Variants in NAGLU observed in about 807,000 individuals in gnomAD.
NAGLU encodes the protein N-acetyl-alpha-glucosaminidase.
In NAGLU, 34 loss-of-function variants were observed where a neutral mutation model predicts 43.4. That is an observed-to-expected ratio of 0.78 (90% CI 0.60 to 1.04). The LOEUF (loss-of-function observed/expected upper bound fraction) is 1.04, where lower values mean the gene tolerates loss of function less well. NAGLU is among the 50% of genes least tolerant of loss of function. The probability of loss-of-function intolerance (pLI) is 0.00; values close to 1 mark genes in which losing one functional copy is unlikely to be tolerated. For synonymous variants in NAGLU, 425 were observed against 437.6 expected, an observed-to-expected ratio of 0.97 and a Z score of 0.36; for missense variants, 910 against 993.7, an observed-to-expected ratio of 0.92 and a Z score of 1.13.
Position 42,536,670 on chromosome 17 carries a change from C to T in NAGLU, c.383+15C>T. On this transcript the variant is annotated intron_variant, in intron 1 of 5. Transcript: ENST00000225927. ...ACGCCCAACAGGTACCGCCCCGAAGCTTCCCCGCGTCCGCCCGAGGCGCTT... is the reference window on the plus strand; with the variant it reads ...ACGCCCAACAGGTACCGCCCCGAAGTTTCCCCGCGTCCGCCCGAGGCGCTT... The T allele has an allele frequency of 6.7e-7, 1 of 1,486,244 alleles. No homozygotes were observed. Among genetic ancestry groups the T allele is most frequent in the Admixed American group, 2.2e-5 (1 of 45,342 alleles). The allele number at this position is 1,486,244 out of a possible 1,614,324, so 92.1% of individuals were successfully genotyped here. A position where few individuals can be genotyped will look rare whatever the true frequency, so the allele number is the denominator to read the frequency against.
rs2092905675 is a variant in NAGLU at position 42,536,287 on chromosome 17, G to T, written c.15G>T (p.Ala5=). ...GGACTGAGACCATGGAGGCGGTGGCGGTGGCCGCGGCGGTGGGGGTCCTTC... is the reference window on the plus strand; with the variant it reads ...GGACTGAGACCATGGAGGCGGTGGCTGTGGCCGCGGCGGTGGGGGTCCTTC... MEAV[A]VAAAVGVLLL... is the part of the protein sequence containing the mutation. Residue 5 remains alanine, a synonymous_variant, in exon 1 of 6, where the codon GCG becomes GCT. Transcript: ENST00000225927. 1 of 1,218,130 alleles carries T rather than the reference G, an allele frequency of 8.2e-7. No individual in the cohort carries two copies. Among genetic ancestry groups the T allele is most frequent in the South Asian group, 4.1e-5 (1 of 24,238 alleles). 75.5% of individuals were successfully genotyped at this position (1,218,130 alleles called of 1,614,324 possible). A position where few individuals can be genotyped will look rare whatever the true frequency, so the allele number is the denominator to read the frequency against.
rs771833491 is a variant in NAGLU at position 42,543,038 on chromosome 17, G to A, written c.1032G>A (p.Glu344=). 1.6e-5 allele frequency: 25 copies of A among 1,603,208 alleles called. 1 individual carries two copies. Among genetic ancestry groups the A allele is most frequent in the Non-Finnish European group, 2.0e-5 (24 of 1,179,986 alleles). ...ACCTCCTGTCCACAGTGGATACTGA[G>A]GCTGTGTGGCTGCTCCAAGGCTGGC... is the stretch of plus-strand genomic sequence containing the variant. ...VYEAMTAVDT[E]AVWLLQGWLF... Residue 344 remains glutamate, a synonymous_variant, in exon 6 of 6, where the codon GAG becomes GAA. Transcript: ENST00000225927.
rs759014662 is a variant in NAGLU, at chr17:42,544,214, C to T, written c.2208C>T (p.Pro736=). The change falls in exon 6 of 6, where the codon CCC becomes CCT. Residue 736 remains proline, a synonymous_variant. Transcript: ENST00000225927. Reference sequence around the variant, plus strand: ...AGAAGATCTTCCTCAAATATTACCCCCGCTGGGTGGCCGGCTCTTGGTGAT... The same window carrying T: ...AGAAGATCTTCCTCAAATATTACCCTCGCTGGGTGGCCGGCTCTTGGTGAT... ...LAKKIFLKYY[P]RWVAGSW is the part of the protein sequence containing the mutation. The T allele has an allele frequency of 7.4e-6, 12 of 1,611,796 alleles. No individual in the cohort carries two copies. The highest frequency in any genetic ancestry group is 4.5e-5 in the East Asian group (2 of 44,886).
chr17:42,537,475 T>G lies in NAGLU; in HGVS notation c.461T>G (p.Ile154Arg), dbSNP rs770684838. 1.9e-6 allele frequency: 3 copies of G among 1,614,216 alleles called. No homozygotes were observed. The highest frequency in any genetic ancestry group is 1.7e-6 in the Non-Finnish European group (2 of 1,180,034). ...WWDWARWERE[I>R]DWMALNGINL... ...GACTGGGCCCGCTGGGAGCGAGAGA[T>G]AGACTGGATGGCGCTGAATGGCATC... The change falls in exon 2 of 6, where the codon ATA becomes AGA. Residue 154 changes from isoleucine to arginine, a missense_variant. Physicochemically the swap from Ile to Arg is moderately conservative, Grantham distance 97 (BLOSUM62 -3). Coordinates refer to ENST00000225927, the MANE Select transcript of NAGLU (RefSeq NM_000263.4).
At position 42,538,717 on chromosome 17, in the gene NAGLU, G is replaced by A. The variant is rs1459295509; in HGVS notation, c.726G>A (p.Leu242=). The change falls in exon 4 of 6, where the codon CTG becomes CTA. Residue 242 remains leucine (L), a synonymous_variant. Coordinates refer to ENST00000225927, the MANE Select transcript of NAGLU (RefSeq NM_000263.4). ...QMRSFGMTPV[L]PAFAGHVPEA... is the part of the protein sequence containing the mutation. ...GCTCCTTCGGCATGACCCCAGTGCT[G>A]CCTGCATTCGCGGGGCATGTTCCCG... 6.2e-7 allele frequency: 1 copy of A among 1,613,912 alleles called. No homozygotes were observed. Among genetic ancestry groups the A allele is most frequent in the Non-Finnish European group, 8.5e-7 (1 of 1,180,038 alleles).
In NAGLU at chr17:42,543,053, C is replaced by A. The variant is rs2143107360; in HGVS notation, c.1047C>A (p.Leu349=). 1 of 1,605,714 alleles carries A rather than the reference C, an allele frequency of 6.2e-7. No individual in the cohort carries two copies. The highest frequency in any genetic ancestry group is 8.5e-7 in the Non-Finnish European group (1 of 1,180,002). The change falls in exon 6 of 6, where the codon CTC becomes CTA. Residue 349 remains leucine, a synonymous_variant. Transcript: ENST00000225927. ...TAVDTEAVWL[L]QGWLFQHQPQ... is the part of the protein sequence containing the mutation. The stretch of plus-strand genomic sequence containing the variant: ...TGGATACTGAGGCTGTGTGGCTGCT[C>A]CAAGGCTGGCTCTTCCAGCACCAGC...
Position 42,543,974 on chromosome 17 carries a change from G to A in NAGLU, c.1968G>A (p.Leu656=), listed in dbSNP as rs2092930009. 1 of 1,610,690 alleles carries A rather than the reference G, an allele frequency of 6.2e-7. No homozygotes were observed. Among genetic ancestry groups the A allele is most frequent in the Non-Finnish European group, 8.5e-7 (1 of 1,178,548 alleles). The change falls in exon 6 of 6, where the codon CTG becomes CTA. Residue 656 remains leucine (L), a synonymous_variant. Coordinates refer to ENST00000225927, the MANE Select transcript of NAGLU (RefSeq NM_000263.4). ...LTLWGPEGNI[L]DYANKQLAGL... ...TGTGGGGGCCAGAAGGCAACATCCT[G>A]GACTATGCCAACAAGCAGCTGGCGG... is the stretch of plus-strand genomic sequence containing the variant.
rs2143114107 is a variant in NAGLU at position 42,543,859 on chromosome 17, T to C, written c.1853T>C (p.Leu618Pro). The change falls in exon 6 of 6, where the codon CTG becomes CCG. Residue 618 changes from leucine (L) to proline (P), a missense_variant. Transcript: ENST00000225927. ...EVLASDSRFLLGSWLEQARAA... is the reference protein window; with the variant it reads ...EVLASDSRFLPGSWLEQARAA... The stretch of plus-strand genomic sequence containing the variant: ...CTGGCTAGTGACAGCCGCTTCTTGC[T>C]GGGCAGCTGGCTAGAGCAGGCCCGA... 6.2e-7 allele frequency: 1 copy of C among 1,602,336 alleles called. No individual in the cohort carries two copies. Among genetic ancestry groups the C allele is most frequent in the Non-Finnish European group, 8.5e-7 (1 of 1,174,872 alleles).
chr17:42,541,332 T>A (rs2092921450), intron 5 of NAGLU, 126 bp downstream of exon 5: 1 of 1,372,860 alleles, frequency 7.3e-7, no homozygotes, highest in East Asian at 2.5e-5. Context: ...ACTTCATAGT[T>A]TACCAAGCAC....
At position 42,536,974 on chromosome 17, in the gene NAGLU, ACTGAGGAAGGACGC is replaced by A. The variant is rs1398195348; in HGVS notation, c.383+322_383+335del. On this transcript the variant is annotated intron_variant, in intron 1 of 5. Coordinates refer to ENST00000225927, the MANE Select transcript of NAGLU (RefSeq NM_000263.4). ...CCCCACCTTCTCTTTGAACCTGCGG[ACTGAGGAAGGACGC>A]CTCCATCCCCCACCCTACAGGCCTG... The A allele has an allele frequency of 2.0e-4, 93 of 474,908 alleles. No individual in the cohort carries two copies. The South Asian group carries it at 2.3e-3, about 12-fold the overall frequency. The allele number at this position is 474,908 out of a possible 1,614,324, so 29.4% of individuals were successfully genotyped here.
intron 4 of NAGLU, among the ~76,000 whole-genome samples, chr17:42,539,696 TAGG>T (rs1434958597): frequency 6.6e-6 from 1 of 152,130 alleles, no homozygotes; most frequent in East Asian, 1.9e-4. Context: ...TTACCCCTGA[TAGG>T]AGAGATATGT....
chr17:42,539,245 G>A (rs1255760893), intron 4 of NAGLU, among the ~76,000 whole-genome samples: 1 of 152,212 alleles, frequency 6.6e-6, no homozygotes, highest in African/African-American at 2.4e-5. Context: ...TTGTAAAATG[G>A]GATCTCTACC....
chr17:42,536,967 C>T (rs767931225), intron 1 of NAGLU: 4 of 492,308 alleles, frequency 8.1e-6, no homozygotes, highest in Non-Finnish European at 1.4e-5. Context: ...TCTCTTTGAA[C>T]CTGCGGACTG....
chr17:42,540,858 A>G (rs2092919659), intron 4 of NAGLU, 92 bp from the exon 5 acceptor site: 4 of 1,579,436 alleles, frequency 2.5e-6, no homozygotes, highest in Admixed American at 3.3e-5. Flanking sequence ...AAGAGAAACC[A>G]GGAGCTGTAG....
At position 42,543,645 on chromosome 17, in the gene NAGLU, G is replaced by C. The variant is rs746486630; in HGVS notation, c.1639G>C (p.Ala547Pro). 1 of 1,612,984 alleles carries C rather than the reference G, an allele frequency of 6.2e-7. No homozygotes were observed. The highest frequency in any genetic ancestry group is 8.5e-7 in the Non-Finnish European group (1 of 1,180,010). ...GGCCTGGCGGCTGCTGCTCACATCT[G>C]CTCCCTCCCTGGCCACCAGCCCCGC... Reference protein sequence around the residue: ...FEAWRLLLTSAPSLATSPAFR... With the variant: ...FEAWRLLLTSPPSLATSPAFR... The change falls in exon 6 of 6, where the codon GCT (alanine) becomes CCT (proline). Residue 547 changes from alanine (A) to proline (P), a missense_variant. Ala to Pro is a conservative substitution (Grantham distance 27, BLOSUM62 -1). Coordinates refer to ENST00000225927, the MANE Select transcript of NAGLU (RefSeq NM_000263.4).
rs1434034283 is a variant in NAGLU, at chr17:42,538,480, C to T, written c.673C>T (p.Leu225=). 1.2e-6 allele frequency: 2 copies of T among 1,614,056 alleles called. No homozygotes were observed. The change falls in exon 3 of 6, where the codon CTG becomes TTG. Residue 225 remains leucine, a synonymous_variant. Transcript: ENST00000225927. ...PPSWHIKQLY[L]QHRVLDQMRS... The stretch of plus-strand genomic sequence containing the variant: ...CTCCTGGCACATCAAGCAGCTTTAC[C>T]TGCAGGTAAAAGGATGGAAAAGGGA...
chr17:42,538,588 G>A lies in NAGLU; in HGVS notation c.679-82G>A, dbSNP rs2092913463. The A allele has an allele frequency of 1.6e-5, 25 of 1,612,276 alleles. 1 individual carries two copies. The highest frequency in any genetic ancestry group is 7.7e-5 in the South Asian group (7 of 91,078). On this transcript the variant is annotated intron_variant, in intron 3 of 5. Coordinates refer to ENST00000225927, the MANE Select transcript of NAGLU (RefSeq NM_000263.4). The stretch of plus-strand genomic sequence containing the variant: ...CCCAGGGCTCTTAACTGAGGCGGGG[G>A]GCTGCGTGTATCCTGGGAGATGAGG...
intron 1 of NAGLU, 91 bp downstream of exon 1, chr17:42,536,746 G>A (rs1042039929): frequency 3.7e-6 from 5 of 1,343,236 alleles, no homozygotes; most frequent in Admixed American, 3.7e-5. Flanking sequence ...AGCGGGGAGC[G>A]CTGGCCGGAA....
At chr17:42,542,903 C>T (rs945031468) in intron 5 of NAGLU, 125 bp from the exon 6 acceptor site, 16 of 1,445,112 alleles carry the variant, frequency 1.1e-5, no homozygotes, top group Admixed American at 6.7e-5. Flanking sequence ...CAGAGCGTCC[C>T]GCTGGTGGGG....
Sources: gnomAD v4.1 joint callset for allele counts (sites outside exome capture counted in the v4.1 genomes callset) on GRCh38, gnomAD v4.1.1 for gene constraint, MANE v1.5 for transcripts, NCBI Gene and HGNC (gene_info 2026-07-23, HGNC 2026-07-21) for gene names.